Variants in CNTN5 observed in about 807,000 individuals in gnomAD.
CNTN5 encodes the protein contactin-5.
In CNTN5, 77 loss-of-function variants were observed where a neutral mutation model predicts 129.1. That is an observed-to-expected ratio of 0.60 (90% CI 0.50 to 0.72). The LOEUF is 0.72. Ranked by LOEUF, CNTN5 falls within the 30% of genes least tolerant of loss-of-function variation. The probability of loss-of-function intolerance (pLI) is 0.00; values close to 1 mark genes in which losing one functional copy is unlikely to be tolerated. For missense variants in CNTN5, 1,478 were observed against 1,328.8 expected, an observed-to-expected ratio of 1.11 and a Z score of -1.75; for synonymous variants, 509 against 465.6, an observed-to-expected ratio of 1.09 and a Z score of -1.20.
chr11:99,877,286 A>G (rs1482798412), intron 6 of CNTN5, among the ~76,000 whole-genome samples: 2 of 152,208 alleles, frequency 1.3e-5, no homozygotes, highest in Non-Finnish European at 2.9e-5. Context: ...ACCGGCAGAC[A>G]GATCTATCTT....
At chr11:99,633,958 G>A (rs369529347) in intron 3 of CNTN5, among the ~76,000 whole-genome samples, 2 of 152,254 alleles carry the variant, frequency 1.3e-5, no homozygotes, top group East Asian at 1.9e-4. Flanking sequence ...GAAGAGAAAC[G>A]TGAGGTCCAG....
At chr11:99,544,067 T>C (rs2135503868) in intron 2 of CNTN5, among the ~76,000 whole-genome samples, 1 of 151,622 alleles carries the variant, frequency 6.6e-6, no homozygotes, top group African/African-American at 2.4e-5. Flanking sequence ...AAGAAAGGGG[T>C]TTAATTGGCT....
chr11:99,401,354 T>C (rs1275764830), intron 2 of CNTN5, among the ~76,000 whole-genome samples: 1 of 152,168 alleles, frequency 6.6e-6, no homozygotes, highest in Non-Finnish European at 1.5e-5. Flanking sequence ...CCCTAAGGTA[T>C]GTTCTTGGTA....
chr11:99,817,600 T>TTTG (rs1946632462), intron 3 of CNTN5, among the ~76,000 whole-genome samples: 1 of 94,398 alleles, frequency 1.1e-5, no homozygotes, highest in African/African-American at 3.3e-5. Context: ...GGGATAGTTT[T>TTTG]TTTTTTTTTT....
At chr11:99,488,535 A>T (rs1172553911) in intron 2 of CNTN5, among the ~76,000 whole-genome samples, 1 of 151,974 alleles carries the variant, frequency 6.6e-6, no homozygotes, top group Non-Finnish European at 1.5e-5. Flanking sequence ...GCTGCTAACC[A>T]CTAGTATGGA....
chr11:99,823,124 C>G (rs1449563785), intron 4 of CNTN5, among the ~76,000 whole-genome samples: 1 of 152,204 alleles, frequency 6.6e-6, no homozygotes, highest in Non-Finnish European at 1.5e-5. Context: ...AGCCTCCCAC[C>G]TTTTGAAAGA....
rs149889230 is a variant in CNTN5, at chr11:99,382,211, G to T, written c.-71+56727G>T. Among the ~76,000 whole-genome samples, 432 of 152,172 alleles carry T rather than the reference G, an allele frequency of 2.8e-3. 1 individual carries two copies. Among genetic ancestry groups the T allele is most frequent in the Non-Finnish European group, 4.3e-3 (295 of 67,986 alleles). ...CATCCTTCCAGAACGTGTTGCTAAG[G>T]CTGAGAAAGAAGTTGTACCCTAGAG... On this transcript the variant is annotated intron_variant, in intron 2 of 24. Coordinates refer to ENST00000524871, the MANE Select transcript of CNTN5 (RefSeq NM_014361.4).
chr11:100,309,446 T>TA (rs1951425031), intron 21 of CNTN5: 1 of 968,164 alleles, frequency 1.0e-6, no homozygotes, highest in Non-Finnish European at 1.2e-6. Flanking sequence ...TTCTAAGAGT[T>TA]ACAGCAAGAA....
chr11:100,345,213 G>C (rs1258996004), intron 23 of CNTN5, among the ~76,000 whole-genome samples: 1 of 152,098 alleles, frequency 6.6e-6, no homozygotes, highest in African/African-American at 2.4e-5. Flanking sequence ...TCTGATGAGG[G>C]TCCACTTTTG....
intron 3 of CNTN5, among the ~76,000 whole-genome samples, chr11:99,703,158 T>A: frequency 6.8e-6 from 1 of 148,134 alleles, no homozygotes; most frequent in African/African-American, 2.4e-5. Flanking sequence ...AATCTTTGAG[T>A]TTTGATTTTT....
intron 1 of CNTN5, among the ~76,000 whole-genome samples, chr11:99,300,583 T>C (rs1864593118): frequency 6.6e-6 from 1 of 152,192 alleles, no homozygotes; most frequent in South Asian, 2.1e-4. Context: ...TTCTTTTCAA[T>C]GTGTTAAAAG....
chr11:99,030,586 G>A (rs1863322758), intron 1 of CNTN5, among the ~76,000 whole-genome samples: 1 of 152,202 alleles, frequency 6.6e-6, no homozygotes, highest in African/African-American at 2.4e-5. Context: ...TATTTTGTAA[G>A]TAGAGGAAGA....
intron 1 of CNTN5, among the ~76,000 whole-genome samples, chr11:99,142,980 A>G (rs1001148735): frequency 1.3e-5 from 2 of 151,760 alleles, no homozygotes; most frequent in African/African-American, 2.4e-5. Context: ...CTATCCTTCA[A>G]TCCCTTCAGG....
chr11:99,385,863 G>T (rs1940894922), intron 2 of CNTN5, among the ~76,000 whole-genome samples: 1 of 152,104 alleles, frequency 6.6e-6, no homozygotes, highest in Admixed American at 6.6e-5. Flanking sequence ...CATCCTACAA[G>T]ATCTTTAGAC....
intron 6 of CNTN5, among the ~76,000 whole-genome samples, chr11:99,853,831 G>A (rs746998280): frequency 6.6e-5 from 10 of 151,594 alleles, no homozygotes; most frequent in Non-Finnish European, 1.2e-4. Context: ...TAATGTATAA[G>A]TGGAGAAAAA....
chr11:100,000,948 G>A (rs554694639), intron 8 of CNTN5, among the ~76,000 whole-genome samples: 1 of 152,094 alleles, frequency 6.6e-6, no homozygotes, highest in Non-Finnish European at 1.5e-5. Flanking sequence ...ACCATGTCTC[G>A]AGGCTGCACG....
chr11:99,336,948 A>G (rs73541009), intron 2 of CNTN5, among the ~76,000 whole-genome samples: 4,238 of 152,248 alleles, frequency 0.028, 194 homozygotes, highest in African/African-American at 0.097. Context: ...CTTGGTGTAC[A>G]GATTTTTTTT....
intron 2 of CNTN5, among the ~76,000 whole-genome samples, chr11:99,355,874 C>T (rs555182994): frequency 6.4e-4 from 97 of 150,400 alleles, no homozygotes; most frequent in African/African-American, 2.1e-3. Context: ...TCGCCCAGGC[C>T]GGAGTGCAGT....
At chr11:99,440,103 A>G (rs10893334) in intron 2 of CNTN5, among the ~76,000 whole-genome samples, 1,797 of 152,290 alleles carry the variant, frequency 0.012, 36 homozygotes, top group East Asian at 0.11. Flanking sequence ...CTGTTAAAAC[A>G]GAAAACATTC....
Sources: allele counts gnomAD v4.1 joint callset (sites outside exome capture counted in the v4.1 genomes callset), GRCh38; gene constraint gnomAD v4.1.1; transcripts MANE v1.5; gene names NCBI Gene and HGNC (gene_info 2026-07-23, HGNC 2026-07-21).